ARHGAP6: variants seen among roughly 807,000 people sequenced by gnomAD.
ARHGAP6 encodes the protein Rho GTPase activating protein 6, also known as rho GTPase-activating protein 6.
Under a neutral mutation model 55.7 loss-of-function variants are expected in ARHGAP6, and 16 were observed. That is an observed-to-expected ratio of 0.29 (90% confidence interval 0.19 to 0.44). The LOEUF (loss-of-function observed/expected upper bound fraction) is 0.44. Ranked by LOEUF, ARHGAP6 falls within the 20% of genes least tolerant of loss-of-function variation. The probability of loss-of-function intolerance (pLI) is 1.00; values close to 1 mark genes in which losing one functional copy is unlikely to be tolerated. For missense variants in ARHGAP6, 698 were observed against 808.9 expected (o/e 0.86, Z 1.66); for synonymous variants, 382 against 360.9 (o/e 1.06, Z -0.66).
At chrX:11,533,860 T>C (rs576472128) in intron 1 of ARHGAP6, among the ~76,000 whole-genome samples, 4 of 112,368 alleles carry the variant, frequency 3.6e-5, no homozygotes, top group Admixed American at 9.4e-5. Context: ...CCAAAATACA[T>C]TGTGTATCCT....
At chrX:11,606,380 T>C (rs1433222778) in intron 1 of ARHGAP6, among the ~76,000 whole-genome samples, 1 of 111,772 alleles carries the variant, frequency 8.9e-6, no homozygotes, top group Non-Finnish European at 1.9e-5. Flanking sequence ...CTATGTTATC[T>C]GTTTCTGAGA....
At chrX:11,368,732 T>C (rs2049111902) in intron 1 of ARHGAP6, among the ~76,000 whole-genome samples, 1 of 112,171 alleles carries the variant, frequency 8.9e-6, no homozygotes, top group Admixed American at 9.5e-5. Flanking sequence ...TGTTAAGTTC[T>C]ATTGTGTCTT....
At chrX:11,299,266 C>A (rs778814190) in intron 1 of ARHGAP6, among the ~76,000 whole-genome samples, 1 of 111,912 alleles carries the variant, frequency 8.9e-6, no homozygotes, top group East Asian at 2.8e-4. Context: ...TATTACTAAA[C>A]CCCATGAATT....
At chrX:11,597,534 C>T (rs2051916429) in intron 1 of ARHGAP6, among the ~76,000 whole-genome samples, 1 of 111,751 alleles carries the variant, frequency 8.9e-6, no homozygotes, top group South Asian at 3.8e-4. Context: ...AAATATGTTG[C>T]ATTAAAAATT....
At chrX:11,144,311 A>C in intron 10 of ARHGAP6, 63 bp from the exon 11 acceptor site, 1 of 1,194,770 alleles carries the variant, frequency 8.4e-7, no homozygotes, top group Non-Finnish European at 1.1e-6. Context: ...AGATTTAAAC[A>C]ATATGGCTAT....
chrX:11,302,327 A>T (rs1438833655), intron 1 of ARHGAP6, among the ~76,000 whole-genome samples: 1 of 111,846 alleles, frequency 8.9e-6, no homozygotes, highest in Non-Finnish European at 1.9e-5. Flanking sequence ...AAATATTTTA[A>T]ACAAAAGATG....
At chrX:11,412,512 A>ACGG in intron 1 of ARHGAP6, among the ~76,000 whole-genome samples, 1 of 112,235 alleles carries the variant, frequency 8.9e-6, no homozygotes, top group Admixed American at 9.4e-5. Context: ...ATTCTCTTTA[A>ACGG]AGATAATCCG....
intron 1 of ARHGAP6, among the ~76,000 whole-genome samples, chrX:11,547,412 G>T (rs961436722): frequency 7.2e-5 from 8 of 111,713 alleles, no homozygotes; most frequent in African/African-American, 2.6e-4. Context: ...CTCCTAGATG[G>T]TGCTGATGTT....
chrX:11,265,858 C>T, intron 1 of ARHGAP6: 1 of 952,602 alleles, frequency 1.0e-6, no homozygotes, highest in Non-Finnish European at 1.3e-6. Flanking sequence ...ATAGCTGTGA[C>T]TCCCACGATA....
intron 1 of ARHGAP6, among the ~76,000 whole-genome samples, chrX:11,384,979 A>G (rs781704771): frequency 8.9e-6 from 1 of 112,432 alleles, no homozygotes; most frequent in Admixed American, 9.4e-5. Flanking sequence ...AGAAATTTTC[A>G]ATAAAAATTA....
intron 9 of ARHGAP6, among the ~76,000 whole-genome samples, chrX:11,160,225 A>G (rs774787161): frequency 4.7e-4 from 51 of 108,980 alleles, no homozygotes; most frequent in African/African-American, 1.6e-3. Context: ...CGAGGTGGGC[A>G]GATCACGAGG....
chrX:11,363,939 C>T (rs1254359940), intron 1 of ARHGAP6, among the ~76,000 whole-genome samples: 1 of 111,892 alleles, frequency 8.9e-6, no homozygotes, highest in Non-Finnish European at 1.9e-5. Context: ...ATTCCAAAGA[C>T]ATGGAATCAA....
At chrX:11,427,869 G>T (rs1156874759) in intron 1 of ARHGAP6, 2 of 648,605 alleles carry the variant, frequency 3.1e-6, no homozygotes, top group Non-Finnish European at 3.7e-6. Context: ...AGGAGGGAGC[G>T]GCCGAGTCTG....
chrX:11,438,337 C>T (rs1244694387), intron 1 of ARHGAP6, among the ~76,000 whole-genome samples: 1 of 112,631 alleles, frequency 8.9e-6, no homozygotes, highest in East Asian at 2.8e-4. Flanking sequence ...CTTAAATTAA[C>T]ACAAATAGGC....
intron 2 of ARHGAP6, among the ~76,000 whole-genome samples, chrX:11,218,761 T>TA (rs1258471843): frequency 8.9e-6 from 1 of 112,133 alleles, no homozygotes; most frequent in Non-Finnish European, 1.9e-5. Context: ...GAGGTGTTTA[T>TA]AGTATTCTCT....
rs1224760564 is a variant in ARHGAP6, at chrX:11,137,770, T to C, written c.*1093A>G. On this transcript the variant is annotated 3_prime_UTR_variant, in exon 13 of 13. Coordinates refer to ENST00000337414, the MANE Select transcript of ARHGAP6 (RefSeq NM_013427.3). Reference sequence around the variant, plus strand: ...GTTATGCACTTGAAAAACTTCAAACTACTAAAGTACGGTAGAACATTTTAC... The same window carrying C: ...GTTATGCACTTGAAAAACTTCAAACCACTAAAGTACGGTAGAACATTTTAC... 8.9e-6 allele frequency: 1 copy of C among 112,516 alleles called. No individual in the cohort carries two copies. The allele number at this position is 112,516 out of a possible 1,213,427, so 9.3% of individuals were successfully genotyped here.
chrX:11,664,646 C>A lies in ARHGAP6; in HGVS notation c.183G>T (p.Thr61=), dbSNP rs1451717212. The change falls in exon 1 of 13, where the codon ACG becomes ACT. Residue 61 remains threonine (T), a synonymous_variant. Coordinates refer to ENST00000337414, the MANE Select transcript of ARHGAP6 (RefSeq NM_013427.3). Reference sequence around the variant, plus strand: ...GTGATGGGGAGTAGAGGCGGCCCGCCGTGGCTCCCCGCGCACTGCCCTCCG... The same window carrying A: ...GTGATGGGGAGTAGAGGCGGCCCGCAGTGGCTCCCCGCGCACTGCCCTCCG... The part of the protein sequence containing the change: ...AGAEGSARGA[T]AGRLYSPSLP... 1 of 1,159,108 alleles carries A rather than the reference C, an allele frequency of 8.6e-7. No individual in the cohort carries two copies.
intron 1 of ARHGAP6, among the ~76,000 whole-genome samples, chrX:11,524,286 T>C (rs1168365418): frequency 9.0e-6 from 1 of 111,591 alleles, no homozygotes; most frequent in Non-Finnish European, 1.9e-5. Flanking sequence ...TGTGTGTTAT[T>C]GCCGGATTTT....
chrX:11,340,286 C>T (rs924147180), intron 1 of ARHGAP6, among the ~76,000 whole-genome samples: 1 of 111,817 alleles, frequency 8.9e-6, no homozygotes, highest in African/African-American at 3.3e-5. Flanking sequence ...ACTCACTAGA[C>T]TCCCAACTCT....
Sources: allele counts gnomAD v4.1 joint callset (sites outside exome capture counted in the v4.1 genomes callset), GRCh38; gene constraint gnomAD v4.1.1; transcripts MANE v1.5; gene names NCBI Gene and HGNC (gene_info 2026-07-23, HGNC 2026-07-21).